PIP5K1A: variants seen among roughly 807,000 people sequenced by gnomAD.
PIP5K1A encodes phosphatidylinositol 4-phosphate 5-kinase type-1 alpha.
A neutral mutation model predicts 72.9 loss-of-function variants in PIP5K1A; 46 were observed. That is an observed-to-expected ratio of 0.63 (90% CI 0.50 to 0.81). The LOEUF is 0.81. Among genes scored for constraint, PIP5K1A ranks in the 30% least tolerant of loss-of-function variants. The pLI is 0.00. For missense variants in PIP5K1A, 458 were observed against 706.1 expected (o/e 0.65, Z 3.98); for synonymous variants, 228 against 255.1 (o/e 0.89, Z 1.01).
chr1:151,228,674 T>TGG (rs1369081099), intron 4 of PIP5K1A, among the ~76,000 whole-genome samples: 1 of 152,124 alleles, frequency 6.6e-6, no homozygotes, highest in Non-Finnish European at 1.5e-5. Context: ...GGGACAGTGT[T>TGG]CAGTCTCCCA....
intron 3 of PIP5K1A, among the ~76,000 whole-genome samples, chr1:151,224,805 C>T (rs1688873986): frequency 6.6e-6 from 1 of 152,072 alleles, no homozygotes; most frequent in Non-Finnish European, 1.5e-5. Flanking sequence ...CTTTTTTGTC[C>T]AGAATATCGC....
chr1:151,235,170 C>T (rs1035363871), intron 8 of PIP5K1A, among the ~76,000 whole-genome samples: 2 of 152,158 alleles, frequency 1.3e-5, no homozygotes, highest in Non-Finnish European at 2.9e-5. Flanking sequence ...GCAATTTCCA[C>T]CTCCCAGATT....
intron 1 of PIP5K1A, among the ~76,000 whole-genome samples, chr1:151,208,471 C>T (rs906562814): frequency 6.6e-6 from 1 of 150,852 alleles, no homozygotes; most frequent in Non-Finnish European, 1.5e-5. Context: ...AGCGATTCCC[C>T]TGCCTCAGCC....
intron 8 of PIP5K1A, 84 bp downstream of exon 8, chr1:151,234,580 A>G: frequency 9.4e-7 from 1 of 1,060,282 alleles, no homozygotes; most frequent in Non-Finnish European, 1.5e-6. Context: ...GGGAGATGGA[A>G]CTCTGTTCCT....
intron 1 of PIP5K1A, among the ~76,000 whole-genome samples, chr1:151,208,164 C>T (rs1686214159): frequency 6.6e-6 from 1 of 151,894 alleles, no homozygotes; most frequent in African/African-American, 2.4e-5. Flanking sequence ...CCAGCTGGCT[C>T]ATTCTTTGAT....
rs193059370 is a variant in PIP5K1A, at chr1:151,212,977, G to A, written c.86-11268G>A. Among the ~76,000 whole-genome samples, 207 of 144,970 alleles carry A rather than the reference G, an allele frequency of 1.4e-3. 2 individuals carry two copies. Among genetic ancestry groups the A allele is most frequent in the African/African-American group, 5.1e-3 (197 of 38,778 alleles). On this transcript the variant is annotated intron_variant, in intron 1 of 15. Coordinates refer to ENST00000368888, the MANE Select transcript of PIP5K1A (RefSeq NM_001135638.2). ...GTGATCTCGGCTCACTGCAAAGTTC[G>A]CCTCCTGGGTTCATGCCATTCTCCT... is the stretch of plus-strand genomic sequence containing the variant.
chr1:151,232,742 C>G, intron 7 of PIP5K1A, 39 bp downstream of exon 7: 1 of 1,585,802 alleles, frequency 6.3e-7, no homozygotes. Flanking sequence ...GTGCTGCTCA[C>G]TTCTGGGCAA....
chr1:151,223,428 G>T (rs1256150907), intron 1 of PIP5K1A, among the ~76,000 whole-genome samples: 2 of 150,928 alleles, frequency 1.3e-5, no homozygotes, highest in Non-Finnish European at 2.9e-5. Context: ...GGCGGATCAT[G>T]AGGTCAGGAG....
chr1:151,239,032 A>T, intron 10 of PIP5K1A, 98 bp from the exon 11 acceptor site: 1 of 838,144 alleles, frequency 1.2e-6, no homozygotes, highest in Non-Finnish European at 2.0e-6. Flanking sequence ...CTGTCTTTTC[A>T]AGATTTTCTA....
At chr1:151,212,960 G>A (rs1198769887) in intron 1 of PIP5K1A, among the ~76,000 whole-genome samples, 3 of 134,882 alleles carry the variant, frequency 2.2e-5, no homozygotes, top group African/African-American at 8.4e-5. Flanking sequence ...GCGTGATCTC[G>A]GCTCACTGCA....
At chr1:151,224,471 C>A in intron 3 of PIP5K1A, 65 bp downstream of exon 3, 1 of 1,149,600 alleles carries the variant, frequency 8.7e-7, no homozygotes, top group Non-Finnish European at 1.3e-6. Context: ...CAATATCTCA[C>A]ATTTATTGAG....
intron 1 of PIP5K1A, among the ~76,000 whole-genome samples, chr1:151,220,212 G>C (rs587766731): frequency 6.6e-6 from 1 of 151,824 alleles, no homozygotes; most frequent in Non-Finnish European, 1.5e-5. Context: ...CACCTTGCTA[G>C]CCAGGATGAT....
chr1:151,240,533 G>A (rs1217333334), intron 12 of PIP5K1A, among the ~76,000 whole-genome samples: 1 of 152,168 alleles, frequency 6.6e-6, no homozygotes, highest in Non-Finnish European at 1.5e-5. Flanking sequence ...CCATGCTGCT[G>A]CCATAGCAAA....
rs759213423 is a variant in PIP5K1A, at chr1:151,248,344, G to C, written c.*479G>C. On this transcript the variant is annotated 3_prime_UTR_variant, in exon 16 of 16. Transcript: ENST00000368888. ...AGAATACTCCTGTAATCTCTGTAAA[G>C]GTTTTTGGGGGATAAGGGTGTTTAA... The C allele has an allele frequency of 1.3e-5, 2 of 154,674 alleles. No homozygotes were observed. Among genetic ancestry groups the C allele is most frequent in the Non-Finnish European group, 1.4e-5 (1 of 70,006 alleles). 9.6% of individuals were successfully genotyped at this position (154,674 alleles called of 1,614,324 possible). A position where few individuals can be genotyped will look rare whatever the true frequency, so the allele number is the denominator to read the frequency against.
chr1:151,198,894 G>T lies in PIP5K1A; in HGVS notation c.-103G>T. On this transcript the variant is annotated 5_prime_UTR_variant, in exon 1 of 16. Coordinates refer to ENST00000368888, the MANE Select transcript of PIP5K1A (RefSeq NM_001135638.2). ...GGAGGGGGCGGGGAGGTGGCCCACA[G>T]AACGCGGGTTCTGTAAAGAGACGTT... 8.5e-7 allele frequency: 1 copy of T among 1,173,878 alleles called. No individual in the cohort carries two copies. The highest frequency in any genetic ancestry group is 1.3e-5 in the South Asian group (1 of 77,248). 72.7% of individuals were successfully genotyped at this position (1,173,878 alleles called of 1,614,324 possible).
chr1:151,226,299 C>G (rs1689118640), intron 3 of PIP5K1A, among the ~76,000 whole-genome samples: 1 of 151,856 alleles, frequency 6.6e-6, no homozygotes, highest in Non-Finnish European at 1.5e-5. Flanking sequence ...CTTGGCCAGG[C>G]TGGTCTTGAA....
At chr1:151,240,328 T>C (rs1691504698) in intron 12 of PIP5K1A, 1 of 375,728 alleles carries the variant, frequency 2.7e-6, no homozygotes, top group South Asian at 2.7e-5. Flanking sequence ...TAGTTGTGGA[T>C]GTAGGATCCA....
intron 12 of PIP5K1A, among the ~76,000 whole-genome samples, chr1:151,240,596 G>A (rs587663358): frequency 2.6e-5 from 4 of 152,202 alleles, no homozygotes; most frequent in Admixed American, 6.5e-5. Context: ...TTCCCATAGC[G>A]AGGGAGAGGG....
intron 14 of PIP5K1A, among the ~76,000 whole-genome samples, chr1:151,244,458 A>G (rs1692203954): frequency 6.6e-6 from 1 of 152,200 alleles, no homozygotes; most frequent in Non-Finnish European, 1.5e-5. Flanking sequence ...GTTTAAGATC[A>G]GCCTGAGCAA....
Sources: gnomAD v4.1 joint callset for allele counts (sites outside exome capture counted in the v4.1 genomes callset) on GRCh38, gnomAD v4.1.1 for gene constraint, MANE v1.5 for transcripts, NCBI Gene and HGNC (gene_info 2026-07-23, HGNC 2026-07-21) for gene names.